Variants in SLC27A5 observed in about 807,000 individuals in gnomAD.
The protein encoded by SLC27A5 is solute carrier family 27 member 5.
SLC27A5 carries 47 observed loss-of-function variants against 63.1 expected under a neutral mutation model. That is an observed-to-expected ratio of 0.74 (90% CI 0.59 to 0.95). The LOEUF (loss-of-function observed/expected upper bound fraction) is 0.95. SLC27A5 is among the 40% of genes least tolerant of loss of function. The pLI is 0.00. For missense variants in SLC27A5, 940 were observed against 921.0 expected, an observed-to-expected ratio of 1.02 and a Z score of -0.27; for synonymous variants, 391 against 403.8, an observed-to-expected ratio of 0.97 and a Z score of 0.38.
At chr19:58,504,454 G>C (rs543080445) in intron 3 of SLC27A5, among the ~76,000 whole-genome samples, 5 of 148,534 alleles carry the variant, frequency 3.4e-5, no homozygotes, top group African/African-American at 1.2e-4. Flanking sequence ...TTTGAGACCA[G>C]CCTGGCCAAC....
rs753954512 is a variant in SLC27A5 at position 58,498,496 on chromosome 19, C to G, written c.*19G>C. On this transcript the variant is annotated 3_prime_UTR_variant, in exon 10 of 10. Coordinates refer to ENST00000263093, the MANE Select transcript of SLC27A5 (RefSeq NM_012254.3). ...GGGTGGCTGGCTTTGATCCCTACCC[C>G]AGTGGGTTGGCCAGGTGATCAGAGC... is the stretch of plus-strand genomic sequence containing the variant. The G allele has an allele frequency of 6.3e-7, 1 of 1,599,150 alleles. No homozygotes were observed. Among genetic ancestry groups the G allele is most frequent in the South Asian group, 1.1e-5 (1 of 89,488 alleles).
chr19:58,510,735 G>C lies in SLC27A5; in HGVS notation c.884C>G (p.Thr295Ser), dbSNP rs776195953. The C allele has an allele frequency of 6.2e-7, 1 of 1,609,928 alleles. No homozygotes were observed. The highest frequency in any genetic ancestry group is 1.1e-5 in the South Asian group (1 of 90,594). ...TWRSPALFIY[T>S]SGTTGLPKPA... ...GGCACCCTCACCAGTGGTCCCCGAGGTATAGATGAAGAGGGCAGGGCTTCT... is the reference window on the plus strand; with the variant it reads ...GGCACCCTCACCAGTGGTCCCCGAGCTATAGATGAAGAGGGCAGGGCTTCT... Residue 295 changes from threonine (T) to serine (S), a missense_variant, in exon 2 of 10, where the codon ACC (threonine) becomes AGC (serine). Transcript: ENST00000263093.
chr19:58,500,293 G>T (rs1310148853), intron 6 of SLC27A5, 46 bp downstream of exon 6: 5 of 1,510,482 alleles, frequency 3.3e-6, no homozygotes, highest in Non-Finnish European at 4.6e-6. Context: ...AGAAGACTGA[G>T]GGTCGCCACC....
chr19:58,506,310 G>A (rs2122514378), intron 3 of SLC27A5, among the ~76,000 whole-genome samples: 1 of 152,252 alleles, frequency 6.6e-6, no homozygotes, highest in South Asian at 2.1e-4. Flanking sequence ...CGAGGTAGGT[G>A]GATCACCTGA....
chr19:58,499,117 C>T lies in SLC27A5; in HGVS notation c.1765+6G>A, dbSNP rs1346087680. 1.2e-6 allele frequency: 2 copies of T among 1,613,828 alleles called. No homozygotes were observed. The highest frequency in any genetic ancestry group is 1.7e-6 in the Non-Finnish European group (2 of 1,179,990). The stretch of plus-strand genomic sequence containing the variant: ...GTTGGAAGTTTAAAATGAGAACCCT[C>T]CGCACCTGGCACGCACACGCCATAC... On this transcript the variant is annotated splice_donor_region_variant and intron_variant, in intron 8 of 9. Transcript: ENST00000263093.
chr19:58,498,817 C>T lies in SLC27A5; in HGVS notation c.1864G>A (p.Ala622Thr). The T allele has an allele frequency of 1.9e-6, 3 of 1,614,032 alleles. No individual in the cohort carries two copies. Among genetic ancestry groups the T allele is most frequent in the Middle Eastern group, 1.6e-4 (1 of 6,062 alleles). ...CGGATGAAATGGGGGGTAGCGTAGG[C>T]AGGGAGCCAAGCGCGAACGTGCTGG... The part of the protein sequence containing the change: ...LYQHVRAWLP[A>T]YATPHFIRIQ... The change falls in exon 9 of 10, where the codon GCC (alanine) becomes ACC (threonine). Residue 622 changes from alanine (A) to threonine (T), a missense_variant. Physicochemically the swap from Ala to Thr is moderately conservative, Grantham distance 58 (BLOSUM62 0). Coordinates refer to ENST00000263093, the MANE Select transcript of SLC27A5 (RefSeq NM_012254.3).
Position 58,498,506 on chromosome 19 carries a change from G to T in SLC27A5, c.*9C>A. 6.2e-7 allele frequency: 1 copy of T among 1,605,030 alleles called. No homozygotes were observed. The highest frequency in any genetic ancestry group is 2.2e-5 in the East Asian group (1 of 44,720). Reference sequence around the variant, plus strand: ...CTTTGATCCCTACCCCAGTGGGTTGGCCAGGTGATCAGAGCCTCCAGGTTC... The same window carrying T: ...CTTTGATCCCTACCCCAGTGGGTTGTCCAGGTGATCAGAGCCTCCAGGTTC... On this transcript the variant is annotated 3_prime_UTR_variant, in exon 10 of 10. Coordinates refer to ENST00000263093, the MANE Select transcript of SLC27A5 (RefSeq NM_012254.3).
chr19:58,510,238 T>C (rs1430689848), intron 2 of SLC27A5: 2 of 486,592 alleles, frequency 4.1e-6, no homozygotes, highest in Admixed American at 7.5e-5. Context: ...AATTCTGGCA[T>C]TGACCTCTCA....
intron 3 of SLC27A5, among the ~76,000 whole-genome samples, chr19:58,503,025 T>C (rs1028881039): frequency 1.3e-5 from 2 of 151,818 alleles, no homozygotes; most frequent in Non-Finnish European, 2.9e-5. Context: ...GCTAACACGG[T>C]GAAACCCGTC....
At chr19:58,508,677 G>A (rs1230908717) in intron 3 of SLC27A5, 1 of 152,024 alleles carries the variant, frequency 6.6e-6, no homozygotes, top group African/African-American at 2.4e-5. Context: ...GCCCACGCTG[G>A]TGTTGAACTC....
chr19:58,506,333 G>C (rs997420632), intron 3 of SLC27A5, among the ~76,000 whole-genome samples: 8 of 152,132 alleles, frequency 5.3e-5, no homozygotes, highest in Non-Finnish European at 1.0e-4. Flanking sequence ...TCAGGAGTTC[G>C]AGACCAGCCT....
chr19:58,508,137 G>C (rs1258242291), intron 3 of SLC27A5: 1 of 152,086 alleles, frequency 6.6e-6, no homozygotes, highest in Admixed American at 6.6e-5. Context: ...TGCTGGCTTT[G>C]AGCTCAGGTG....
At chr19:58,503,661 T>A (rs2053309138) in intron 3 of SLC27A5, among the ~76,000 whole-genome samples, 2 of 151,732 alleles carry the variant, frequency 1.3e-5, no homozygotes, top group African/African-American at 4.8e-5. Flanking sequence ...AGACCCTGTC[T>A]CAAAAGAAAA....
chr19:58,511,574 G>T lies in SLC27A5; in HGVS notation c.382C>A (p.Pro128Thr). 6.4e-7 allele frequency: 1 copy of T among 1,566,752 alleles called. No individual in the cohort carries two copies. Among genetic ancestry groups the T allele is most frequent in the Non-Finnish European group, 8.7e-7 (1 of 1,152,350 alleles). Residue 128 changes from proline (P) to threonine (T), a missense_variant, in exon 1 of 10, where the codon CCT (proline) becomes ACT (threonine). By Grantham distance (38) the Pro-to-Thr change is conservative (BLOSUM62 -1). Coordinates refer to ENST00000263093, the MANE Select transcript of SLC27A5 (RefSeq NM_012254.3). ...GTCCACACCAAGAGTGCCCTGCCAG[G>T]CTGCGCTCGTGCTCGCCGCTCGAAG... ...DAFERRARAQ[P>T]GRALLVWTGP...
At chr19:58,504,634 C>T (rs897132992) in intron 3 of SLC27A5, among the ~76,000 whole-genome samples, 3 of 150,282 alleles carry the variant, frequency 2.0e-5, no homozygotes, top group Admixed American at 6.7e-5. Context: ...TGCCACTGCA[C>T]TCCAGCCTGG....
chr19:58,498,336 T>C lies in SLC27A5; in HGVS notation c.*179A>G, dbSNP rs112213200. The C allele has an allele frequency of 4.2e-5, 27 of 642,560 alleles. No homozygotes were observed. In the African/African-American group the frequency reaches 4.2e-4, roughly 10 times the overall value. The allele number at this position is 642,560 out of a possible 1,614,324, so 39.8% of individuals were successfully genotyped here. Reference sequence around the variant, plus strand: ...TCATCCACGCAGACATACAGACTTCTGTGAACACATCTGAGTTTATTCTGC... The same window carrying C: ...TCATCCACGCAGACATACAGACTTCCGTGAACACATCTGAGTTTATTCTGC... On this transcript the variant is annotated 3_prime_UTR_variant, in exon 10 of 10. Transcript: ENST00000263093.
At position 58,511,937 on chromosome 19, in the gene SLC27A5, A is replaced by C; in HGVS notation, c.19T>G (p.Leu7Val). 1 of 1,540,944 alleles carries C rather than the reference A, an allele frequency of 6.5e-7. No homozygotes were observed. The highest frequency in any genetic ancestry group is 8.7e-7 in the Non-Finnish European group (1 of 1,144,612). ...AGCAGCAGCAGCAGCAGCAAGGCCA[A>C]CTGTTGCCTGACACCCATGGTACCA... is the stretch of plus-strand genomic sequence containing the variant. MGVRQQ[L>V]ALLLLLLLLL... The change falls in exon 1 of 10, where the codon TTG (leucine) becomes GTG (valine). Residue 7 changes from leucine (L) to valine (V), a missense_variant. By Grantham distance (32) the Leu-to-Val change is conservative (BLOSUM62 1). Coordinates refer to ENST00000263093, the MANE Select transcript of SLC27A5 (RefSeq NM_012254.3).
At chr19:58,499,751 T>A (rs1189139076) in intron 6 of SLC27A5, 61 bp from the exon 7 acceptor site, 1 of 1,540,054 alleles carries the variant, frequency 6.5e-7, no homozygotes, top group Non-Finnish European at 8.8e-7. Context: ...CTGCTGGAGG[T>A]TTTCAACAAC....
intron 3 of SLC27A5, among the ~76,000 whole-genome samples, chr19:58,506,008 A>G (rs1394848070): frequency 6.6e-6 from 1 of 150,864 alleles, no homozygotes; most frequent in African/African-American, 2.4e-5. Flanking sequence ...AAAGTTAGCC[A>G]GGCACGGTGG....
Sources: gnomAD v4.1 joint callset for allele counts (sites outside exome capture counted in the v4.1 genomes callset) on GRCh38, gnomAD v4.1.1 for gene constraint, MANE v1.5 for transcripts, NCBI Gene and HGNC (gene_info 2026-07-23, HGNC 2026-07-21) for gene names.